The following ADK variants were observed in gnomAD, a reference collection of about 807,000 sequenced individuals.
ADK encodes the protein adenosine kinase, also known as N6,N6-dimethyladenosine kinase.
A neutral mutation model predicts 44.7 loss-of-function variants in ADK; 24 were observed. The ratio of observed to expected loss-of-function variants is 0.54; its 90% CI spans 0.39 to 0.76. ADK has a LOEUF of 0.76. Among genes scored for constraint, ADK ranks in the 30% least tolerant of loss-of-function variants. The probability of loss-of-function intolerance (pLI) is 0.00; values close to 1 mark genes in which losing one functional copy is unlikely to be tolerated. For synonymous variants in ADK, 128 were observed against 142.6 expected (o/e 0.90, Z 0.73); for missense variants, 321 against 425.1 (o/e 0.76, Z 2.15).
chr10:74,682,585 T>C (rs935269031), intron 10 of ADK, among the ~76,000 whole-genome samples: 2 of 150,852 alleles, frequency 1.3e-5, no homozygotes, highest in African/African-American at 4.9e-5. Flanking sequence ...CTTTTTTTTT[T>C]TTTTTTGAGA....
At chr10:74,391,662 C>T (rs1413841581) in intron 4 of ADK, among the ~76,000 whole-genome samples, 1 of 148,354 alleles carries the variant, frequency 6.7e-6, no homozygotes, top group African/African-American at 2.5e-5. Context: ...TACACACACA[C>T]ACACACACAC....
intron 6 of ADK, among the ~76,000 whole-genome samples, chr10:74,468,587 A>T (rs1056928980): frequency 2.0e-5 from 3 of 152,186 alleles, no homozygotes; most frequent in African/African-American, 7.2e-5. Flanking sequence ...TATTAGGCAT[A>T]GTTTTGCCAC....
chr10:74,636,024 G>A (rs1201020898), intron 9 of ADK, among the ~76,000 whole-genome samples: 2 of 151,844 alleles, frequency 1.3e-5, no homozygotes, highest in Non-Finnish European at 1.5e-5. Context: ...GGAGTTCAAG[G>A]CAGCAACAGT....
rs367738718 is a variant in ADK, at chr10:74,224,080, CAAAT to C, written c.141-454_141-451del. 9.5e-4 allele frequency among the ~76,000 whole-genome samples: 145 copies of C among 152,016 alleles called. 1 individual carries two copies. In the Middle Eastern group the frequency reaches 0.014, roughly 14 times the overall value. On this transcript the variant is annotated intron_variant, in intron 2 of 10. Coordinates refer to ENST00000539909, the MANE Select transcript of ADK (RefSeq NM_006721.4). Reference sequence around the variant, plus strand: ...GTGACAGAGTGAGACTCTATCTCAACAAATAAACAAACAAACAAAAAACACACAA... The same window carrying C: ...GTGACAGAGTGAGACTCTATCTCAACAAACAAACAAACAAAAAACACACAA...
At chr10:74,531,729 G>A (rs1428661926) in intron 7 of ADK, among the ~76,000 whole-genome samples, 2 of 152,034 alleles carry the variant, frequency 1.3e-5, no homozygotes, top group South Asian at 2.1e-4. Context: ...AGGAGGTCTC[G>A]TTTTGTTGCC....
intron 9 of ADK, among the ~76,000 whole-genome samples, chr10:74,624,228 A>G (rs1413368114): frequency 1.4e-5 from 2 of 139,124 alleles, no homozygotes; most frequent in Non-Finnish European, 3.2e-5. Flanking sequence ...TGATTCATTG[A>G]TTTTTTTTTT....
chr10:74,349,861 A>C (rs1437004246), intron 4 of ADK, among the ~76,000 whole-genome samples: 1 of 152,204 alleles, frequency 6.6e-6, no homozygotes, highest in Non-Finnish European at 1.5e-5. Flanking sequence ...CAACAAGAAG[A>C]GCTATCGTAA....
chr10:74,514,461 A>T (rs1307877828), intron 6 of ADK, among the ~76,000 whole-genome samples: 35 of 148,982 alleles, frequency 2.3e-4, no homozygotes, highest in Non-Finnish European at 4.3e-4. Flanking sequence ...TTTTTTTTTT[A>T]AAGTTAGTCT....
At chr10:74,191,230 T>G (rs1056904845) in intron 1 of ADK, among the ~76,000 whole-genome samples, 1 of 151,898 alleles carries the variant, frequency 6.6e-6, no homozygotes, top group African/African-American at 2.4e-5. Context: ...CTGCCCGCCT[T>G]GGCCTTCCAA....
At chr10:74,528,976 T>C (rs971763214) in intron 7 of ADK, among the ~76,000 whole-genome samples, 1 of 152,170 alleles carries the variant, frequency 6.6e-6, no homozygotes, top group Non-Finnish European at 1.5e-5. Context: ...ATGTTAAACA[T>C]AGAATTATTA....
At chr10:74,540,074 A>T (rs1849573354) in intron 7 of ADK, among the ~76,000 whole-genome samples, 1 of 152,210 alleles carries the variant, frequency 6.6e-6, no homozygotes, top group East Asian at 1.9e-4. Context: ...TCTGAAGATG[A>T]AATGCTTTTA....
chr10:74,632,394 T>C (rs1022752158), intron 9 of ADK, among the ~76,000 whole-genome samples: 5 of 152,204 alleles, frequency 3.3e-5, no homozygotes, highest in African/African-American at 1.2e-4. Context: ...AACAAAAATT[T>C]ATTATTTCAC....
At chr10:74,677,069 AC>A (rs1216418338) in intron 10 of ADK, among the ~76,000 whole-genome samples, 1 of 151,984 alleles carries the variant, frequency 6.6e-6, no homozygotes, top group Non-Finnish European at 1.5e-5. Context: ...ACGTGGCAAA[AC>A]CCCATTTCTA....
intron 3 of ADK, among the ~76,000 whole-genome samples, chr10:74,274,882 G>A (rs1846612697): frequency 6.6e-6 from 1 of 151,502 alleles, no homozygotes; most frequent in African/African-American, 2.4e-5. Flanking sequence ...ATGAGACACC[G>A]TACCTGACTG....
chr10:74,555,349 G>GT (rs200388914), intron 7 of ADK, among the ~76,000 whole-genome samples: 139 of 151,352 alleles, frequency 9.2e-4, no homozygotes, highest in East Asian at 6.0e-3. Context: ...ACTGTTTGTT[G>GT]TTTTTTTTTA....
At chr10:74,462,349 C>G (rs1180972472) in intron 6 of ADK, among the ~76,000 whole-genome samples, 1 of 151,856 alleles carries the variant, frequency 6.6e-6, no homozygotes, top group Non-Finnish European at 1.5e-5. Context: ...AAAACTAAAA[C>G]CTCTTTCTAA....
In ADK at chr10:74,498,601, GTGCCATATTGGTGTGC is replaced by G. The variant is rs546326124; in HGVS notation, c.556-26651_556-26636del. ...GCAGGTTAGTTACATATGTATACAT[GTGCCATATTGGTGTGC>G]TGCACCCATTAACTTGTCATTTAAC... On this transcript the variant is annotated intron_variant, in intron 6 of 10. Coordinates refer to ENST00000539909, the MANE Select transcript of ADK (RefSeq NM_006721.4). 5.2e-4 allele frequency among the ~76,000 whole-genome samples: 79 copies of G among 152,272 alleles called. 1 individual carries two copies. In the East Asian group the frequency reaches 9.4e-3, roughly 18 times the overall value.
At chr10:74,538,941 C>A (rs1231692301) in intron 7 of ADK, among the ~76,000 whole-genome samples, 1 of 152,012 alleles carries the variant, frequency 6.6e-6, no homozygotes, top group Non-Finnish European at 1.5e-5. Flanking sequence ...GATAAAAAAT[C>A]TGTGTGAATC....
intron 7 of ADK, among the ~76,000 whole-genome samples, chr10:74,570,894 TG>T (rs1327598928): frequency 1.3e-5 from 2 of 152,206 alleles, no homozygotes; most frequent in Non-Finnish European, 2.9e-5. Flanking sequence ...TTCCAGTTTT[TG>T]CCCATTCAGT....
Sources: allele counts gnomAD v4.1 joint callset (sites outside exome capture counted in the v4.1 genomes callset), GRCh38; gene constraint gnomAD v4.1.1; transcripts MANE v1.5; gene names NCBI Gene and HGNC (gene_info 2026-07-23, HGNC 2026-07-21).